CLIC5: variants seen among roughly 807,000 people sequenced by gnomAD.
The protein encoded by CLIC5 is chloride intracellular channel protein 5.
In CLIC5, 20 loss-of-function variants were observed where a neutral mutation model predicts 24.7. The observed-to-expected ratio is 0.81, with a 90% CI of 0.57 to 1.18. The LOEUF is 1.18. Ranked by LOEUF, CLIC5 falls within the 50% of genes most tolerant of loss-of-function variation. CLIC5 has a pLI of 0.00. For missense variants in CLIC5, 341 were observed against 326.1 expected (o/e 1.05, Z -0.35); for synonymous variants, 159 against 135.6 (o/e 1.17, Z -1.20).
downstream of CLIC5, among the ~76,000 whole-genome samples, chr6:45,896,744 GC>G (rs1252895704): frequency 6.6e-6 from 1 of 152,148 alleles, no homozygotes; most frequent in Non-Finnish European, 1.5e-5. Flanking sequence ...GCCATCCTGT[GC>G]CCCTTGGTTT....
At chr6:45,999,898 A>C (rs1766290443) in intron 1 of CLIC5, among the ~76,000 whole-genome samples, 1 of 86,480 alleles carries the variant, frequency 1.2e-5, no homozygotes, top group Non-Finnish European at 2.3e-5. Context: ...GGCGCCCGCC[A>C]CCGCGCCCGG....
the CLIC5 span, among the ~76,000 whole-genome samples, chr6:46,119,609 C>T: frequency 3.8e-4 from 58 of 152,294 alleles, no homozygotes; most frequent in African/African-American, 1.2e-3. Flanking sequence ...TGCAGTGCAC[C>T]GAGCATGAGC....
intron 1 of CLIC5, among the ~76,000 whole-genome samples, chr6:46,053,498 G>T (rs1768161494): frequency 6.6e-6 from 1 of 152,140 alleles, no homozygotes; most frequent in Non-Finnish European, 1.5e-5. Flanking sequence ...ACCTCATATT[G>T]CTCAGGCCTA....
intron 1 of CLIC5, among the ~76,000 whole-genome samples, chr6:45,998,270 G>C (rs994589075): frequency 2.0e-5 from 3 of 152,336 alleles, no homozygotes; most frequent in Middle Eastern, 3.4e-3. Context: ...CCTTCTCATA[G>C]GCAGGTGGCT....
intron 1 of CLIC5, among the ~76,000 whole-genome samples, chr6:45,965,142 T>G (rs1202799578): frequency 6.6e-6 from 1 of 152,130 alleles, no homozygotes; most frequent in Non-Finnish European, 1.5e-5. Flanking sequence ...AGAAAATACA[T>G]GAAGAACTAC....
rs939459267 is a variant in CLIC5 at position 45,962,003 on chromosome 6, C to A, written c.64-6759G>T. Among the ~76,000 whole-genome samples the A allele has an allele frequency of 2.0e-5, 3 of 150,870 alleles. No homozygotes were observed. In the East Asian group the frequency reaches 5.9e-4, roughly 29 times the overall value. ...GGTCAGAGTTCTCCAGAGACAGAAC[C>A]AGCACAACATGTATGTGTGTGTGTG... is the stretch of plus-strand genomic sequence containing the variant. On this transcript the variant is annotated intron_variant, in intron 1 of 5. Coordinates refer to ENST00000339561, the MANE Select transcript of CLIC5 (RefSeq NM_016929.5).
chr6:46,049,545 G>A (rs1361856699), intron 1 of CLIC5, among the ~76,000 whole-genome samples: 1 of 152,154 alleles, frequency 6.6e-6, no homozygotes, highest in Non-Finnish European at 1.5e-5. Context: ...GTATCACATA[G>A]TTAAAAATAC....
chr6:46,026,985 T>C (rs1767348794), intron 1 of CLIC5, among the ~76,000 whole-genome samples: 1 of 152,160 alleles, frequency 6.6e-6, no homozygotes, highest in Admixed American at 6.5e-5. Flanking sequence ...AGATGGCAAT[T>C]GCCATAATTA....
the CLIC5 span, among the ~76,000 whole-genome samples, chr6:46,121,845 T>A: frequency 1.3e-5 from 2 of 152,108 alleles, no homozygotes; most frequent in African/African-American, 4.8e-5. Context: ...GGCCATTACA[T>A]AATGGTAAAG....
the CLIC5 span, among the ~76,000 whole-genome samples, chr6:46,091,561 C>T: frequency 3.5e-3 from 540 of 152,182 alleles, 3 homozygotes; most frequent in African/African-American, 0.012. Flanking sequence ...GGAAAGACCC[C>T]ATCTCTGCAA....
rs529187146 is a variant in CLIC5 at position 45,901,520 on chromosome 6, C to T, written c.*1568G>A. On this transcript the variant is annotated 3_prime_UTR_variant, in exon 6 of 6. Coordinates refer to ENST00000339561, the MANE Select transcript of CLIC5 (RefSeq NM_016929.5). The stretch of plus-strand genomic sequence containing the variant: ...CCCTTGCTGAGAAATGAGCCAAGTC[C>T]AGGGGCTTTCCAGCACTTGGGAGCC... The T allele has an allele frequency of 2.0e-5, 3 of 152,262 alleles. No individual in the cohort carries two copies. Among genetic ancestry groups the T allele is most frequent in the African/African-American group, 7.2e-5 (3 of 41,540 alleles). The allele number at this position is 152,262 out of a possible 1,614,324, so 9.4% of individuals were successfully genotyped here.
intron 6 of CLIC5, among the ~76,000 whole-genome samples, chr6:45,890,811 A>G (rs71566550): frequency 0.056 from 8,546 of 152,272 alleles, 327 homozygotes; most frequent in Middle Eastern, 0.13. Flanking sequence ...GTTAAGTGAA[A>G]TAAGCCAGGC....
At chr6:46,064,236 A>G (rs1762377527) in intron 1 of CLIC5, among the ~76,000 whole-genome samples, 1 of 152,164 alleles carries the variant, frequency 6.6e-6, no homozygotes, top group Non-Finnish European at 1.5e-5. Context: ...CTCAGTGACA[A>G]AGAAAGCAAT....
At chr6:46,112,799 G>A in the CLIC5 span, among the ~76,000 whole-genome samples, 5 of 152,208 alleles carry the variant, frequency 3.3e-5, no homozygotes, top group African/African-American at 9.6e-5. Context: ...GCTGATGCCT[G>A]TAATTCTAGA....
chr6:46,047,147 T>C (rs977969734), intron 1 of CLIC5, among the ~76,000 whole-genome samples: 1 of 152,234 alleles, frequency 6.6e-6, no homozygotes, highest in African/African-American at 2.4e-5. Context: ...ATACTTCCAC[T>C]AGCCTCAGAT....
chr6:46,036,169 G>T (rs914199182), intron 1 of CLIC5, among the ~76,000 whole-genome samples: 2 of 151,960 alleles, frequency 1.3e-5, no homozygotes, highest in Non-Finnish European at 2.9e-5. Flanking sequence ...ACTCAGGATC[G>T]CTCCTATTGT....
At chr6:45,929,727 T>C (rs1420928909) in intron 4 of CLIC5, among the ~76,000 whole-genome samples, 1 of 152,232 alleles carries the variant, frequency 6.6e-6, no homozygotes, top group African/African-American at 2.4e-5. Context: ...CCCAGGCCTC[T>C]GCAGCGGTCT....
At chr6:45,889,683 C>G (rs559132463) in intron 6 of CLIC5, among the ~76,000 whole-genome samples, 1 of 152,138 alleles carries the variant, frequency 6.6e-6, no homozygotes, top group South Asian at 2.1e-4. Context: ...TTACTGTGTT[C>G]TAGCATCTTT....
At chr6:45,987,040 C>G (rs989570409) in intron 1 of CLIC5, among the ~76,000 whole-genome samples, 1 of 152,020 alleles carries the variant, frequency 6.6e-6, no homozygotes, top group Non-Finnish European at 1.5e-5. Flanking sequence ...GCCCATGGAA[C>G]TGGAGACCTG....
Sources: gnomAD v4.1 joint callset for allele counts (sites outside exome capture counted in the v4.1 genomes callset) on GRCh38, gnomAD v4.1.1 for gene constraint, MANE v1.5 for transcripts, NCBI Gene and HGNC (gene_info 2026-07-23, HGNC 2026-07-21) for gene names.